The following MB21D2 variants were observed in gnomAD, a reference collection of about 807,000 sequenced individuals.
MB21D2 encodes the protein nucleotidyltransferase MB21D2.
MB21D2 carries 9 observed loss-of-function variants against 33.3 expected under a neutral mutation model. That is an observed-to-expected ratio of 0.27 (90% CI 0.16 to 0.47). The LOEUF is 0.47. Among genes scored for constraint, MB21D2 ranks in the 20% least tolerant of loss-of-function variants. The probability of loss-of-function intolerance (pLI) is 0.99; values close to 1 mark genes in which losing one functional copy is unlikely to be tolerated. For missense variants in MB21D2, 540 were observed against 624.6 expected (o/e 0.86, Z 1.44); for synonymous variants, 241 against 236.3 (o/e 1.02, Z -0.18).
At chr3:192,815,600 C>A (rs1711903640) in intron 1 of MB21D2, among the ~76,000 whole-genome samples, 1 of 149,784 alleles carries the variant, frequency 6.7e-6, no homozygotes, top group African/African-American at 2.6e-5. Flanking sequence ...TCTCTAAGAT[C>A]TTGAAGAGCT....
chr3:192,800,522 G>C (rs1208187004), intron 1 of MB21D2, among the ~76,000 whole-genome samples: 1 of 152,122 alleles, frequency 6.6e-6, no homozygotes, highest in African/African-American at 2.4e-5. Flanking sequence ...ACATGCATTA[G>C]CAATTTTTTT....
At chr3:192,813,088 CT>C (rs1359844986) in intron 1 of MB21D2, among the ~76,000 whole-genome samples, 2 of 152,100 alleles carry the variant, frequency 1.3e-5, no homozygotes, top group African/African-American at 2.4e-5. Context: ...GGCCTATTTA[CT>C]TTGAGGTTCC....
chr3:192,863,283 G>C (rs866207666), intron 1 of MB21D2, among the ~76,000 whole-genome samples: 1 of 152,170 alleles, frequency 6.6e-6, no homozygotes, highest in South Asian at 2.1e-4. Flanking sequence ...CCAGACTCCA[G>C]AACTGTGAGG....
At chr3:192,813,398 A>G (rs1461602297) in intron 1 of MB21D2, among the ~76,000 whole-genome samples, 1 of 152,024 alleles carries the variant, frequency 6.6e-6, no homozygotes, top group African/African-American at 2.4e-5. Flanking sequence ...AGGCTGAGAC[A>G]CTACTCTTCC....
At chr3:192,812,646 G>A (rs1055276759) in intron 1 of MB21D2, among the ~76,000 whole-genome samples, 1 of 152,170 alleles carries the variant, frequency 6.6e-6, no homozygotes, top group Non-Finnish European at 1.5e-5. Context: ...AGATGAAGGA[G>A]AAGCTAGGGG....
intron 1 of MB21D2, among the ~76,000 whole-genome samples, chr3:192,899,723 C>T (rs373417783): frequency 7.2e-6 from 1 of 139,506 alleles, no homozygotes; most frequent in Admixed American, 7.3e-5. Flanking sequence ...AAAACATAGT[C>T]CAAAAAAGGT....
At chr3:192,915,962 C>A (rs867363375) in intron 1 of MB21D2, among the ~76,000 whole-genome samples, 1 of 152,248 alleles carries the variant, frequency 6.6e-6, no homozygotes, top group Middle Eastern at 3.4e-3. Context: ...CAGAGAAAGG[C>A]TATGATTAAC....
intron 1 of MB21D2, among the ~76,000 whole-genome samples, chr3:192,849,327 C>CGGGGGGG (rs1170327322): frequency 1.7e-4 from 5 of 29,980 alleles, no homozygotes; most frequent in Admixed American, 5.6e-4. Flanking sequence ...GGGGGGGGGG[C>CGGGGGGG]GGGGGGTGGG....
intron 1 of MB21D2, among the ~76,000 whole-genome samples, chr3:192,892,625 T>C (rs1242741286): frequency 1.3e-5 from 2 of 152,196 alleles, no homozygotes; most frequent in East Asian, 3.9e-4. Context: ...ATTTTTTTAG[T>C]AGAGACGGGG....
At chr3:192,864,742 G>T (rs1473510899) in intron 1 of MB21D2, among the ~76,000 whole-genome samples, 1 of 152,082 alleles carries the variant, frequency 6.6e-6, no homozygotes, top group Non-Finnish European at 1.5e-5. Context: ...CCTAAGCTCA[G>T]GTGATCTGCC....
rs71635401 is a variant in MB21D2, at chr3:192,901,413, C to CAAAAAAAAAAAAAAAAAAAAAA, written c.211+16216_211+16217insTTTTTTTTTTTTTTTTTTTTTT. 2.0e-5 allele frequency among the ~76,000 whole-genome samples: 2 copies of CAAAAAAAAAAAAAAAAAAAAAA among 100,884 alleles called. 1 individual carries two copies. The allele number at this position is 100,884 out of a possible 152,430, so 66.2% of individuals were successfully genotyped here. A position where few individuals can be genotyped will look rare whatever the true frequency, so the allele number is the denominator to read the frequency against. On this transcript the variant is annotated intron_variant, in intron 1 of 1. Transcript: ENST00000392452. ...TGAAACCCCGTCTCTACTAAAAATT[C>CAAAAAAAAAAAAAAAAAAAAAA]AAAAAAAAAAAAAAAAAAAAAGACT...
chr3:192,904,848 C>T (rs1315584658), intron 1 of MB21D2, among the ~76,000 whole-genome samples: 2 of 152,230 alleles, frequency 1.3e-5, no homozygotes, highest in African/African-American at 4.8e-5. Flanking sequence ...TACTGAGCCA[C>T]CCACCACACT....
chr3:192,812,727 G>A (rs1711815244), intron 1 of MB21D2, among the ~76,000 whole-genome samples: 1 of 152,092 alleles, frequency 6.6e-6, no homozygotes, highest in African/African-American at 2.4e-5. Flanking sequence ...TTTAGCTCTA[G>A]GACATTCTCC....
At chr3:192,845,915 C>T (rs981002062) in intron 1 of MB21D2, among the ~76,000 whole-genome samples, 2 of 149,254 alleles carry the variant, frequency 1.3e-5, no homozygotes, top group African/African-American at 5.2e-5. Flanking sequence ...CCTGTCTCTA[C>T]AAAAAATAAA....
At chr3:192,830,231 AGT>A (rs1402672795) in intron 1 of MB21D2, among the ~76,000 whole-genome samples, 8 of 100,030 alleles carry the variant, frequency 8.0e-5, no homozygotes, top group African/African-American at 3.8e-4. Context: ...TTCAAAGATG[AGT>A]GTGTGTGAGT....
intron 1 of MB21D2, among the ~76,000 whole-genome samples, chr3:192,897,266 G>A (rs982378823): frequency 6.6e-6 from 1 of 152,134 alleles, no homozygotes; most frequent in Non-Finnish European, 1.5e-5. Context: ...CGGTTGCATA[G>A]CTTGTTCAAG....
intron 1 of MB21D2, among the ~76,000 whole-genome samples, chr3:192,827,051 C>T (rs535872733): frequency 5.3e-5 from 8 of 152,042 alleles, no homozygotes; most frequent in Non-Finnish European, 8.8e-5. Context: ...CCCACCACCA[C>T]GTCCGGCTAA....
At chr3:192,867,810 T>C (rs1713201728) in intron 1 of MB21D2, among the ~76,000 whole-genome samples, 1 of 152,180 alleles carries the variant, frequency 6.6e-6, no homozygotes, top group African/African-American at 2.4e-5. Flanking sequence ...AACTGGCAGC[T>C]TCCACTTCAT....
intron 1 of MB21D2, among the ~76,000 whole-genome samples, chr3:192,826,759 G>A (rs531395541): frequency 1.3e-5 from 2 of 152,228 alleles, no homozygotes; most frequent in South Asian, 2.1e-4. Context: ...CAAGGTCTCC[G>A]GGTGGTTGGA....
Sources: gnomAD v4.1 joint callset for allele counts (sites outside exome capture counted in the v4.1 genomes callset) on GRCh38, gnomAD v4.1.1 for gene constraint, MANE v1.5 for transcripts, NCBI Gene and HGNC (gene_info 2026-07-23, HGNC 2026-07-21) for gene names.